The following NUP205 variants were observed in gnomAD, a reference collection of about 807,000 sequenced individuals.
NUP205 encodes nucleoporin 205, also known as nuclear pore complex protein Nup205.
A neutral mutation model predicts 253.8 loss-of-function variants in NUP205; 76 were observed. The ratio of observed to expected loss-of-function variants is 0.30; its 90% CI spans 0.25 to 0.36. The LOEUF (loss-of-function observed/expected upper bound fraction) is 0.36, where lower values mean the gene tolerates loss of function less well. Ranked by LOEUF, NUP205 falls within the 10% of genes least tolerant of loss-of-function variation. NUP205 has a pLI of 1.00. For synonymous variants in NUP205, 832 were observed against 850.1 expected, an observed-to-expected ratio of 0.98 and a Z score of 0.37; for missense variants, 2,162 against 2,425.5, an observed-to-expected ratio of 0.89 and a Z score of 2.28.
Position 135,577,945 on chromosome 7 carries a change from A to G in NUP205, c.798A>G (p.Ala266=), listed in dbSNP as rs138289307. 32 of 1,614,104 alleles carry G rather than the reference A, an allele frequency of 2.0e-5. No individual in the cohort carries two copies. The African/African-American group carries it at 3.9e-4, about 20-fold the overall frequency. The change falls in exon 6 of 43, where the codon GCA becomes GCG. Residue 266 remains alanine, a synonymous_variant. Transcript: ENST00000285968. ...VTVEANGSLD[A]VNLALLMALL... The stretch of plus-strand genomic sequence containing the variant: ...TTGAGGCTAATGGCTCACTGGATGC[A>G]GTGAATCTGGCTCTTCTTATGGCGC...
chr7:135,610,597 A>G (rs564209396), intron 22 of NUP205, among the ~76,000 whole-genome samples: 3 of 152,332 alleles, frequency 2.0e-5, no homozygotes, highest in South Asian at 2.1e-4. Context: ...CTAGGAGCTT[A>G]TTAGTGCAGA....
chr7:135,646,253 C>A (rs1200172953), intron 42 of NUP205, 22 bp downstream of exon 42: 6 of 1,552,884 alleles, frequency 3.9e-6, no homozygotes, highest in Non-Finnish European at 4.4e-6. Flanking sequence ...TTCTCATATT[C>A]TTTTATTTTT....
chr7:135,631,773 G>C (rs566536037), intron 35 of NUP205, among the ~76,000 whole-genome samples: 68 of 139,724 alleles, frequency 4.9e-4, no homozygotes, highest in Non-Finnish European at 1.8e-4. Flanking sequence ...TTTTTGAGAC[G>C]GAGTCTTGCT....
intron 7 of NUP205, among the ~76,000 whole-genome samples, chr7:135,581,924 C>T (rs916680458): frequency 6.6e-6 from 1 of 151,914 alleles, no homozygotes; most frequent in African/African-American, 2.4e-5. Context: ...TTTTAGCATA[C>T]TGTTTTTAGG....
chr7:135,570,052 T>TATATATAG (rs1284263475), intron 1 of NUP205, among the ~76,000 whole-genome samples: 30 of 79,182 alleles, frequency 3.8e-4, no homozygotes, highest in African/African-American at 1.3e-3. Context: ...TATATATATA[T>TATATATAG]AGAGAGAGAG....
intron 15 of NUP205, among the ~76,000 whole-genome samples, chr7:135,599,729 A>G (rs1487249790): frequency 1.3e-5 from 2 of 152,142 alleles, no homozygotes; most frequent in East Asian, 3.8e-4. Context: ...CCTGGCTGCC[A>G]TTGATTTCAG....
intron 19 of NUP205, among the ~76,000 whole-genome samples, chr7:135,604,902 G>A (rs1489890497): frequency 6.6e-6 from 1 of 152,126 alleles, no homozygotes; most frequent in Non-Finnish European, 1.5e-5. Context: ...TGACACTGTA[G>A]AGTGTTTTTA....
chr7:135,599,854 A>C (rs1395313660), intron 15 of NUP205, among the ~76,000 whole-genome samples: 2 of 152,212 alleles, frequency 1.3e-5, no homozygotes, highest in East Asian at 3.8e-4. Flanking sequence ...CTGCTCACAC[A>C]AACAGTGCTT....
intron 7 of NUP205, among the ~76,000 whole-genome samples, chr7:135,579,829 A>G (rs1401396334): frequency 6.6e-6 from 1 of 152,088 alleles, no homozygotes; most frequent in Admixed American, 6.6e-5. Context: ...TATTTTTAGT[A>G]GAAACAGGGT....
At position 135,630,380 on chromosome 7, in the gene NUP205, C is replaced by T; in HGVS notation, c.4969C>T (p.Gln1657Ter). Residue 1657 changes from glutamine to a stop codon, truncating the protein, a stop_gained, in exon 35 of 43, where the codon CAA becomes TAA. Coordinates refer to ENST00000285968, the MANE Select transcript of NUP205 (RefSeq NM_015135.3). LOFTEE classifies it high-confidence loss of function. ...TCTTATTTCACATTCTGATACCATA[C>T]AAGCAATTCTGCGCTGTCAGGATGT... Reference protein sequence around the residue: ...QFLISHSDTIQAILRCQDVSA... With the variant: ...QFLISHSDTI The T allele has an allele frequency of 1.2e-6, 2 of 1,606,316 alleles. No individual in the cohort carries two copies. The highest frequency in any genetic ancestry group is 1.7e-6 in the Non-Finnish European group (2 of 1,176,212).
intron 42 of NUP205, among the ~76,000 whole-genome samples, chr7:135,646,500 A>G (rs765440323): frequency 3.9e-5 from 6 of 152,162 alleles, no homozygotes; most frequent in Non-Finnish European, 8.8e-5. Flanking sequence ...CTGAGGCTGC[A>G]GTGAGCTGTG....
At chr7:135,624,536 C>G (rs756583938) in intron 31 of NUP205, among the ~76,000 whole-genome samples, 10 of 152,108 alleles carry the variant, frequency 6.6e-5, no homozygotes, top group Non-Finnish European at 8.8e-5. Flanking sequence ...CCACCACGCC[C>G]AGCTAATTTT....
chr7:135,645,861 A>C, intron 41 of NUP205: 1 of 575,484 alleles, frequency 1.7e-6, no homozygotes. Flanking sequence ...CAGCTCTAGA[A>C]GAATGGAGGA....
Position 135,619,781 on chromosome 7 carries a change from T to G in NUP205, c.4232-9T>G. 6.2e-7 allele frequency: 1 copy of G among 1,602,120 alleles called. No homozygotes were observed. The highest frequency in any genetic ancestry group is 8.5e-7 in the Non-Finnish European group (1 of 1,174,696). ...AGATTTTCATTTGACATCTTCCTAA[T>G]CTCCCTAGGTGGTGGATTCCAACGA... On this transcript the variant is annotated splice_polypyrimidine_tract_variant and intron_variant, in intron 29 of 42. Coordinates refer to ENST00000285968, the MANE Select transcript of NUP205 (RefSeq NM_015135.3).
Position 135,615,960 on chromosome 7 carries a change from A to G in NUP205, c.3355A>G (p.Thr1119Ala), listed in dbSNP as rs1406446167. Reference sequence around the variant, plus strand: ...GAACCAGATGTCATGGCTTATGAAAACTGCCTCAATAGAGCTAAGGGTAAC... The same window carrying G: ...GAACCAGATGTCATGGCTTATGAAAGCTGCCTCAATAGAGCTAAGGGTAAC... ...MLNQMSWLMK[T>A]ASIELRVTSL... The change falls in exon 24 of 43, where the codon ACT (threonine) becomes GCT (alanine). Residue 1119 changes from threonine to alanine, a missense_variant. Physicochemically the swap from Thr to Ala is moderately conservative, Grantham distance 58. Coordinates refer to ENST00000285968, the MANE Select transcript of NUP205 (RefSeq NM_015135.3). The G allele has an allele frequency of 6.2e-7, 1 of 1,613,478 alleles. No individual in the cohort carries two copies. The highest frequency in any genetic ancestry group is 1.3e-5 in the African/African-American group (1 of 74,904).
intron 37 of NUP205, 93 bp from the exon 38 acceptor site, chr7:135,638,460 AATTG>A (rs902144291): frequency 1.7e-6 from 2 of 1,151,998 alleles, no homozygotes; most frequent in African/African-American, 1.5e-5. Flanking sequence ...TCATTTTACA[AATTG>A]ATTGATAACC....
At chr7:135,583,486 G>T (rs775002920) in intron 7 of NUP205, among the ~76,000 whole-genome samples, 18 of 152,054 alleles carry the variant, frequency 1.2e-4, no homozygotes, top group Non-Finnish European at 2.1e-4. Flanking sequence ...ATGGCCAGGC[G>T]CAGTGACTCA....
Position 135,604,400 on chromosome 7 carries a change from T to C in NUP205, c.2763T>C (p.Cys921=). ...CTTTTGAAAGTGCCAAGATCCTCTG[T>C]TGTATCTCTTGCAACTCTAATATTC... ...ELAFESAKIL[C]CISCNSNIQI... Residue 921 remains cysteine, a synonymous_variant, in exon 19 of 43, where the codon TGT becomes TGC. Transcript: ENST00000285968. 1.2e-6 allele frequency: 2 copies of C among 1,612,926 alleles called. No individual in the cohort carries two copies. The highest frequency in any genetic ancestry group is 1.7e-6 in the Non-Finnish European group (2 of 1,179,078).
chr7:135,597,416 G>C lies in NUP205; in HGVS notation c.2062G>C (p.Glu688Gln), dbSNP rs1202379585. Residue 688 changes from glutamate to glutamine, a missense_variant and splice_region_variant, in exon 14 of 43, where the codon GAG (glutamate) becomes CAG (glutamine). By Grantham distance (29) the Glu-to-Gln change is conservative (BLOSUM62 2). Coordinates refer to ENST00000285968, the MANE Select transcript of NUP205 (RefSeq NM_015135.3). ...IPSQRQAIGIEVELNEIESRC... is the reference protein window; with the variant it reads ...IPSQRQAIGIQVELNEIESRC... Reference sequence around the variant, plus strand: ...AAGCCAAAGGCAAGCTATTGGTATTGAGGTAAAGTTTTCCTTTTAGTTTAA... The same window carrying C: ...AAGCCAAAGGCAAGCTATTGGTATTCAGGTAAAGTTTTCCTTTTAGTTTAA... 2 of 1,603,096 alleles carry C rather than the reference G, an allele frequency of 1.2e-6. No homozygotes were observed. Among genetic ancestry groups the C allele is most frequent in the East Asian group, 2.2e-5 (1 of 44,806 alleles).
Sources: gnomAD v4.1 joint callset for allele counts (sites outside exome capture counted in the v4.1 genomes callset) on GRCh38, gnomAD v4.1.1 for gene constraint, MANE v1.5 for transcripts, NCBI Gene and HGNC (gene_info 2026-07-23, HGNC 2026-07-21) for gene names.